BCL7A: variants seen among roughly 807,000 people sequenced by gnomAD.
BCL7A encodes the protein BAF chromatin remodeling complex subunit BCL7A, also known as B-cell CLL/lymphoma 7 protein family member A.
Under a neutral mutation model 28.4 loss-of-function variants are expected in BCL7A, and 11 were observed. That is an observed-to-expected ratio of 0.39 (90% CI 0.24 to 0.64). The LOEUF is 0.64. Ranked by LOEUF, BCL7A falls within the 30% of genes least tolerant of loss-of-function variation. The probability of loss-of-function intolerance (pLI) is 0.50; values close to 1 mark genes in which losing one functional copy is unlikely to be tolerated. For missense variants in BCL7A, 222 were observed against 274.8 expected (o/e 0.81, Z 1.36); for synonymous variants, 123 against 103.3 (o/e 1.19, Z -1.15).
chr12:122,050,841 G>A (rs549931296), intron 4 of BCL7A, among the ~76,000 whole-genome samples: 9 of 152,344 alleles, frequency 5.9e-5, no homozygotes, highest in African/African-American at 2.2e-4. Flanking sequence ...CCCTCGCCGG[G>A]AGCGAAGGGG....
chr12:122,059,261 A>G lies in BCL7A; in HGVS notation c.*98A>G, dbSNP rs1183253195. ...CCAGCGATTCCTCTTGGGTGCGAAC[A>G]GAACTACTAACGTTTCAAGTTTACC... is the stretch of plus-strand genomic sequence containing the variant. On this transcript the variant is annotated 3_prime_UTR_variant, in exon 6 of 6. Coordinates refer to ENST00000261822, the MANE Select transcript of BCL7A (RefSeq NM_001024808.3). The surrounding 1 kb of genome is among the most constrained non-coding windows in gnomAD (Gnocchi z 4.0). The G allele has an allele frequency of 2.7e-6, 3 of 1,130,910 alleles. No individual in the cohort carries two copies. The highest frequency in any genetic ancestry group is 4.8e-5 in the East Asian group (2 of 41,742). 70.1% of individuals were successfully genotyped at this position (1,130,910 alleles called of 1,614,324 possible).
At chr12:122,032,856 C>G (rs964151330) in intron 2 of BCL7A, among the ~76,000 whole-genome samples, 3 of 152,204 alleles carry the variant, frequency 2.0e-5, no homozygotes, top group African/African-American at 7.2e-5. Context: ...CCCCCACCCC[C>G]TTTCCCTCTA....
rs1347019003 is a variant in BCL7A, at chr12:122,021,963, T to C, written c.-129T>C. On this transcript the variant is annotated 5_prime_UTR_variant, in exon 1 of 6. Coordinates refer to ENST00000261822, the MANE Select transcript of BCL7A (RefSeq NM_001024808.3). ...GTGTGTGTGTGTGTGTGTGTGAGTG[T>C]GTGCGTGTGAGAGTGCGAGTGTCTG... 6 of 643,828 alleles carry C rather than the reference T, an allele frequency of 9.3e-6. No individual in the cohort carries two copies. Among genetic ancestry groups the C allele is most frequent in the South Asian group, 5.3e-5 (3 of 57,018 alleles). 39.9% of individuals were successfully genotyped at this position (643,828 alleles called of 1,614,324 possible). A position where few individuals can be genotyped will look rare whatever the true frequency, so the allele number is the denominator to read the frequency against.
intron 4 of BCL7A, among the ~76,000 whole-genome samples, chr12:122,045,722 G>C (rs1429129576): frequency 6.6e-6 from 1 of 151,952 alleles, no homozygotes; most frequent in Non-Finnish European, 1.5e-5. Context: ...TTTTTTCTGG[G>C]ACCATTTGAA....
chr12:122,039,103 T>C (rs902199028), intron 3 of BCL7A, among the ~76,000 whole-genome samples: 2 of 151,982 alleles, frequency 1.3e-5, no homozygotes, highest in Non-Finnish European at 2.9e-5. Flanking sequence ...GAGACCATCC[T>C]GGCTAACACG....
rs1273771881 is a variant in BCL7A, at chr12:122,035,557, C to T, written c.271+130C>T. The T allele has an allele frequency of 1.1e-5, 8 of 759,564 alleles. No individual in the cohort carries two copies. The Admixed American group carries it at 1.4e-4, about 13-fold the overall frequency. 47.1% of individuals were successfully genotyped at this position (759,564 alleles called of 1,614,324 possible). On this transcript the variant is annotated intron_variant, in intron 3 of 5. Coordinates refer to ENST00000261822, the MANE Select transcript of BCL7A (RefSeq NM_001024808.3). Reference sequence around the variant, plus strand: ...AGGGGTAGGAGGGCTGGGCAGGGCCCGGCGGCCTCTGTGCCAAGGAGAAGA... The same window carrying T: ...AGGGGTAGGAGGGCTGGGCAGGGCCTGGCGGCCTCTGTGCCAAGGAGAAGA...
intron 4 of BCL7A, among the ~76,000 whole-genome samples, chr12:122,045,109 G>T (rs115797997): frequency 6.6e-6 from 1 of 152,076 alleles, no homozygotes; most frequent in East Asian, 1.9e-4. Context: ...CACCAGGCGC[G>T]GTGGCTCACG....
At chr12:122,050,181 A>G (rs1366228539) in intron 4 of BCL7A, among the ~76,000 whole-genome samples, 1 of 151,994 alleles carries the variant, frequency 6.6e-6, no homozygotes, top group Admixed American at 6.5e-5. Flanking sequence ...GGGTTTCACC[A>G]TGTTGGCCAG....
intron 3 of BCL7A, among the ~76,000 whole-genome samples, chr12:122,037,006 TA>T (rs1257402721): frequency 6.6e-6 from 1 of 152,182 alleles, no homozygotes; most frequent in East Asian, 1.9e-4. Context: ...CACCCGTCCC[TA>T]AAGCTTCATA....
At chr12:122,054,611 C>A (rs1474439874) in intron 4 of BCL7A, among the ~76,000 whole-genome samples, 194 bp from the exon 5 acceptor site, 1 of 152,156 alleles carries the variant, frequency 6.6e-6, no homozygotes, top group Non-Finnish European at 1.5e-5. Flanking sequence ...CCGTGTGTGA[C>A]CTGGCTGCTG....
chr12:122,033,001 C>T (rs1883776055), intron 2 of BCL7A, among the ~76,000 whole-genome samples: 1 of 152,176 alleles, frequency 6.6e-6, no homozygotes, highest in African/African-American at 2.4e-5. Flanking sequence ...GTTTTAAACA[C>T]TCAGTATCTA....
rs186508271 is a variant in BCL7A at position 122,044,794 on chromosome 12, C to T, written c.439+741C>T. Among the ~76,000 whole-genome samples the T allele has an allele frequency of 5.1e-3, 777 of 152,260 alleles. 6 individuals are homozygous for T. Among genetic ancestry groups the T allele is most frequent in the Middle Eastern group, 0.038 (11 of 292 alleles). On this transcript the variant is annotated intron_variant, in intron 4 of 5. Transcript: ENST00000261822. Reference sequence around the variant, plus strand: ...TGAGCCGTGATCACACAACTGAACTCCAGCCTGGGTGACAGAGTGAGACCC... The same window carrying T: ...TGAGCCGTGATCACACAACTGAACTTCAGCCTGGGTGACAGAGTGAGACCC...
chr12:122,024,278 T>A (rs774527839), intron 1 of BCL7A, among the ~76,000 whole-genome samples: 2 of 152,294 alleles, frequency 1.3e-5, no homozygotes, highest in African/African-American at 2.4e-5. Context: ...GGGCATATCA[T>A]TGTCACTTCT....
At chr12:122,043,864 G>GTTCT in intron 3 of BCL7A, 22 bp from the exon 4 acceptor site, 3 of 1,593,476 alleles carry the variant, frequency 1.9e-6, no homozygotes, top group Non-Finnish European at 2.6e-6. Flanking sequence ...TCATCCTGTG[G>GTTCT]TTCTGTTCCC....
At chr12:122,026,942 A>G (rs1022183610) in intron 1 of BCL7A, among the ~76,000 whole-genome samples, 3 of 152,202 alleles carry the variant, frequency 2.0e-5, no homozygotes, top group African/African-American at 4.8e-5. Context: ...AGTTGGGGCT[A>G]TATTCCTACT....
chr12:122,031,774 C>T (rs1010892182), intron 2 of BCL7A, among the ~76,000 whole-genome samples: 2 of 152,134 alleles, frequency 1.3e-5, no homozygotes, highest in Non-Finnish European at 2.9e-5. Context: ...GGCGCCATCC[C>T]GACTTCCACC....
In BCL7A at chr12:122,044,003, C is replaced by T. The variant is rs1182446161; in HGVS notation, c.389C>T (p.Ala130Val). ...GCTGTGCCCAGCGACGGCACCGAGGCCAAGGTGGATGAGGCCCAGGCTGAT... is the reference window on the plus strand; with the variant it reads ...GCTGTGCCCAGCGACGGCACCGAGGTCAAGGTGGATGAGGCCCAGGCTGAT... ...NSAVPSDGTE[A>V]KVDEAQADGK... The change falls in exon 4 of 6, where the codon GCC (alanine) becomes GTC (valine). Residue 130 changes from alanine to valine, a missense_variant. Physicochemically the swap from Ala to Val is moderately conservative, Grantham distance 64. Transcript: ENST00000261822. 6.2e-7 allele frequency: 1 copy of T among 1,613,948 alleles called. No individual in the cohort carries two copies.
At position 122,059,104 on chromosome 12, in the gene BCL7A, G is replaced by A. The variant is rs949794860; in HGVS notation, c.574G>A (p.Val192Met). 6 of 1,610,454 alleles carry A rather than the reference G, an allele frequency of 3.7e-6. No homozygotes were observed. The African/African-American group carries it at 4.0e-5, about 11-fold the overall frequency. ...TSAISQDLEG[V>M]PPSKKMKLEA... ...TCCTCTCCCCAAGGATTTGGAAGGA[G>A]TGCCACCCTCTAAAAAGATGAAACT... Residue 192 changes from valine (V) to methionine (M), a missense_variant, in exon 6 of 6, where the codon GTG (valine) becomes ATG (methionine). Coordinates refer to ENST00000261822, the MANE Select transcript of BCL7A (RefSeq NM_001024808.3). The surrounding 1 kb of genome is among the most constrained non-coding windows in gnomAD (Gnocchi z 4.0).
intron 4 of BCL7A, among the ~76,000 whole-genome samples, chr12:122,051,572 C>T (rs1884191614): frequency 6.6e-6 from 1 of 152,210 alleles, no homozygotes; most frequent in African/African-American, 2.4e-5. Context: ...CCAGTTCCCA[C>T]CAAGCTCTAG....
Sources: gnomAD v4.1 joint callset for allele counts (sites outside exome capture counted in the v4.1 genomes callset) on GRCh38, gnomAD v4.1.1 for gene constraint, Gnocchi (gnomAD v3.1) non-coding constraint, MANE v1.5 for transcripts, NCBI Gene and HGNC (gene_info 2026-07-23, HGNC 2026-07-21) for gene names.